The following ALDOB variants were observed in gnomAD, a reference collection of about 807,000 sequenced individuals.
The protein encoded by ALDOB is aldolase, fructose-bisphosphate B, also known as fructose-bisphosphate aldolase B.
In ALDOB, 39 loss-of-function variants were observed where a neutral mutation model predicts 41.0. The ratio of observed to expected loss-of-function variants is 0.95; its 90% CI spans 0.74 to 1.24. The LOEUF (loss-of-function observed/expected upper bound fraction) is 1.24. Ranked by LOEUF, ALDOB falls within the 50% of genes most tolerant of loss-of-function variation. The pLI, the probability that ALDOB is intolerant of heterozygous loss-of-function variation, is 0.00. For synonymous variants in ALDOB, 175 were observed against 168.8 expected (o/e 1.04, Z -0.28); for missense variants, 530 against 457.3 (o/e 1.16, Z -1.45).
intron 1 of ALDOB, among the ~76,000 whole-genome samples, chr9:101,433,082 C>G (rs908210564): frequency 1.3e-5 from 2 of 152,202 alleles, no homozygotes; most frequent in East Asian, 3.9e-4. Context: ...TTCTGGTTGT[C>G]TCTTTGCCAG....
chr9:101,426,871 G>GC (rs1308466981), intron 5 of ALDOB, among the ~76,000 whole-genome samples: 5 of 152,162 alleles, frequency 3.3e-5, no homozygotes, highest in Non-Finnish European at 7.3e-5. Flanking sequence ...CCTAGCTACT[G>GC]CCTTTTTAGG....
chr9:101,428,329 G>T (rs1831160192), intron 4 of ALDOB, 140 bp downstream of exon 4: 2 of 783,790 alleles, frequency 2.6e-6, no homozygotes, highest in African/African-American at 3.4e-5. Flanking sequence ...TTAAATGGAG[G>T]AGCTGGTATT....
chr9:101,433,567 G>GA (rs928333570), intron 1 of ALDOB, among the ~76,000 whole-genome samples: 1 of 152,116 alleles, frequency 6.6e-6, no homozygotes, highest in Non-Finnish European at 1.5e-5. Flanking sequence ...CAGTGTGATG[G>GA]AAGTTGTTCA....
intron 3 of ALDOB, among the ~76,000 whole-genome samples, chr9:101,428,847 C>T (rs1452435544): frequency 6.6e-6 from 1 of 152,204 alleles, no homozygotes; most frequent in Non-Finnish European, 1.5e-5. Context: ...TAAACTGGCT[C>T]TGACCTTGCC....
In ALDOB at chr9:101,427,544, A is replaced by G; in HGVS notation, c.478T>C (p.Ser160Pro). The change falls in exon 5 of 9, where the codon TCC becomes CCC. Residue 160 changes from serine to proline, a missense_variant. Ser to Pro is a moderately conservative substitution (Grantham distance 74, BLOSUM62 -1). Transcript: ENST00000647789. ...GCGTTTTCCTGGATAGCGAGGCTGG[A>G]TGGACACTGGTCGGCAATCCTCAGC... is the stretch of plus-strand genomic sequence containing the variant. ...AVLRIADQCP[S>P]SLAIQENANA... 6 of 1,614,182 alleles carry G rather than the reference A, an allele frequency of 3.7e-6. No homozygotes were observed. The highest frequency in any genetic ancestry group is 5.1e-6 in the Non-Finnish European group (6 of 1,180,032).
chr9:101,424,891 C>T lies in ALDOB; in HGVS notation c.951G>A (p.Lys317=), dbSNP rs757984170. The T allele has an allele frequency of 6.2e-7, 1 of 1,613,982 alleles. No homozygotes were observed. ...QASALAAWGG[K]AANKEATQEA... is the part of the protein sequence containing the mutation. Reference sequence around the variant, plus strand: ...CCTGGGTTGCCTCCTTGTTTGCAGCCTTGCCACCCCAGGCAGCCAGTGCAC... The same window carrying T: ...CCTGGGTTGCCTCCTTGTTTGCAGCTTTGCCACCCCAGGCAGCCAGTGCAC... The change falls in exon 8 of 9, where the codon AAG becomes AAA. Residue 317 remains lysine, a synonymous_variant. Coordinates refer to ENST00000647789, the MANE Select transcript of ALDOB (RefSeq NM_000035.4).
At chr9:101,435,298 A>G (rs1831275086) in intron 1 of ALDOB, among the ~76,000 whole-genome samples, 1 of 152,224 alleles carries the variant, frequency 6.6e-6, no homozygotes, top group Admixed American at 6.5e-5. Flanking sequence ...ATAAGGCAGT[A>G]GATATGTAAA....
rs145078268 is a variant in ALDOB, at chr9:101,424,931, C to T, written c.911G>A (p.Arg304Gln). The change falls in exon 8 of 9, where the codon CGG becomes CAG. Residue 304 changes from arginine to glutamine, a missense_variant. Coordinates refer to ENST00000647789, the MANE Select transcript of ALDOB (RefSeq NM_000035.4). ...KPWKLSFSYG[R>Q]ALQASALAAW... is the part of the protein sequence containing the mutation. ...AGCCAGTGCACTGGCCTGCAGGGCC[C>T]GTCCATAAGAGAAACTTAGTTTCCA... The T allele has an allele frequency of 3.1e-4, 497 of 1,614,138 alleles. No homozygotes were observed. The highest frequency in any genetic ancestry group is 3.9e-4 in the Non-Finnish European group (458 of 1,180,028).
chr9:101,424,922 T>C lies in ALDOB; in HGVS notation c.920A>G (p.Gln307Arg). ...KLSFSYGRALQASALAAWGGK... is the reference protein window; with the variant it reads ...KLSFSYGRALRASALAAWGGK... Reference sequence around the variant, plus strand: ...ACCCCAGGCAGCCAGTGCACTGGCCTGCAGGGCCCGTCCATAAGAGAAACT... The same window carrying C: ...ACCCCAGGCAGCCAGTGCACTGGCCCGCAGGGCCCGTCCATAAGAGAAACT... Residue 307 changes from glutamine (Q) to arginine (R), a missense_variant, in exon 8 of 9, where the codon CAG becomes CGG. By Grantham distance (43) the Gln-to-Arg change is conservative. Coordinates refer to ENST00000647789, the MANE Select transcript of ALDOB (RefSeq NM_000035.4). The C allele has an allele frequency of 1.9e-6, 3 of 1,614,162 alleles. No individual in the cohort carries two copies. Among genetic ancestry groups the C allele is most frequent in the Non-Finnish European group, 2.5e-6 (3 of 1,180,012 alleles).
At chr9:101,434,636 T>G (rs987373074) in intron 1 of ALDOB, among the ~76,000 whole-genome samples, 3 of 152,224 alleles carry the variant, frequency 2.0e-5, no homozygotes, top group Non-Finnish European at 4.4e-5. Flanking sequence ...AATGTCCCAG[T>G]GACAAGTGCA....
intron 4 of ALDOB, 33 bp downstream of exon 4, chr9:101,428,436 G>A: frequency 6.3e-7 from 1 of 1,596,728 alleles, no homozygotes; most frequent in Non-Finnish European, 8.6e-7. Flanking sequence ...AGCTTACACT[G>A]GCATGATTCA....
intron 1 of ALDOB, among the ~76,000 whole-genome samples, chr9:101,433,382 A>G (rs1831247106): frequency 6.6e-6 from 1 of 152,204 alleles, no homozygotes; most frequent in Non-Finnish European, 1.5e-5. Flanking sequence ...CTACAGTGGG[A>G]TTAAAGGTCT....
rs773305411 is a variant in ALDOB at position 101,430,861 on chromosome 9, G to C, written c.27C>G (p.Thr9=). 6.2e-7 allele frequency: 1 copy of C among 1,613,970 alleles called. No individual in the cohort carries two copies. The highest frequency in any genetic ancestry group is 1.3e-5 in the African/African-American group (1 of 74,900). Residue 9 remains threonine, a synonymous_variant, in exon 2 of 9, where the codon ACC becomes ACG. Coordinates refer to ENST00000647789, the MANE Select transcript of ALDOB (RefSeq NM_000035.4). MAHRFPAL[T]QEQKKELSEI... ...CTGAGAGCTCCTTCTTCTGCTCCTG[G>C]GTGAGGGCTGGAAATCGGTGGGCCA...
intron 1 of ALDOB, among the ~76,000 whole-genome samples, chr9:101,434,415 T>C (rs1831262263): frequency 6.6e-6 from 1 of 152,224 alleles, no homozygotes; most frequent in South Asian, 2.1e-4. Flanking sequence ...AGATGTTCTG[T>C]GAAAACATAA....
intron 3 of ALDOB, among the ~76,000 whole-genome samples, chr9:101,428,786 C>T (rs1831169504): frequency 6.6e-6 from 1 of 152,194 alleles, no homozygotes; most frequent in African/African-American, 2.4e-5. Context: ...AAGGATACAA[C>T]CTCTACTCTC....
chr9:101,427,576 C>A lies in ALDOB; in HGVS notation c.446G>T (p.Arg149Leu), dbSNP rs201740217. 7.4e-6 allele frequency: 12 copies of A among 1,614,172 alleles called. No homozygotes were observed. In the South Asian group the frequency reaches 1.3e-4, roughly 18 times the overall value. ...KKDGVDFGKW[R>L]AVLRIADQCP... is the part of the protein sequence containing the mutation. ...CTGGTCGGCAATCCTCAGCACAGCA[C>A]GCCACTTCCCAAAGTCAACACCATC... The change falls in exon 5 of 9, where the codon CGT becomes CTT. Residue 149 changes from arginine to leucine, a missense_variant. Arg to Leu is a moderately radical substitution (Grantham distance 102). Coordinates refer to ENST00000647789, the MANE Select transcript of ALDOB (RefSeq NM_000035.4).
At chr9:101,425,401 C>G in intron 7 of ALDOB, 52 bp downstream of exon 7, 1 of 1,599,500 alleles carries the variant, frequency 6.3e-7, no homozygotes, top group Non-Finnish European at 8.6e-7. Flanking sequence ...GCTTGTGGCT[C>G]TCCAAAGAAT....
At chr9:101,428,331 G>C in intron 4 of ALDOB, 138 bp downstream of exon 4, 4 of 791,914 alleles carry the variant, frequency 5.1e-6, no homozygotes, top group Non-Finnish European at 9.0e-6. Flanking sequence ...AAATGGAGGA[G>C]CTGGTATTGA....
In ALDOB at chr9:101,424,995, T is replaced by C; in HGVS notation, c.847A>G (p.Asn283Asp). The change falls in exon 8 of 9, where the codon AAC becomes GAC. Residue 283 changes from asparagine to aspartate, a missense_variant. Physicochemically the swap from Asn to Asp is conservative, Grantham distance 23 (BLOSUM62 1). Coordinates refer to ENST00000647789, the MANE Select transcript of ALDOB (RefSeq NM_000035.4). ...GGGCAAAGGTTGATAGCATTGAGGTTGAGAGTGGCATCCTCTTCACTCATG... is the reference window on the plus strand; with the variant it reads ...GGGCAAAGGTTGATAGCATTGAGGTCGAGAGTGGCATCCTCTTCACTCATG... ...GGMSEEDATL[N>D]LNAINLCPLP... The C allele has an allele frequency of 1.2e-6, 2 of 1,614,210 alleles. No homozygotes were observed. The highest frequency in any genetic ancestry group is 1.7e-6 in the Non-Finnish European group (2 of 1,180,036).
Sources: gnomAD v4.1 joint callset for allele counts (sites outside exome capture counted in the v4.1 genomes callset) on GRCh38, gnomAD v4.1.1 for gene constraint, MANE v1.5 for transcripts, NCBI Gene and HGNC (gene_info 2026-07-23, HGNC 2026-07-21) for gene names.